Variants in CRIM1 observed in about 807,000 individuals in gnomAD.
CRIM1 encodes cysteine rich transmembrane BMP regulator 1.
CRIM1 carries 32 observed loss-of-function variants against 116.4 expected under a neutral mutation model. The observed-to-expected ratio is 0.27, with a 90% confidence interval of 0.21 to 0.37. CRIM1 has a LOEUF of 0.37. Among genes scored for constraint, CRIM1 ranks in the 10% least tolerant of loss-of-function variants. The probability of loss-of-function intolerance (pLI) is 1.00; values close to 1 mark genes in which losing one functional copy is unlikely to be tolerated. For synonymous variants in CRIM1, 590 were observed against 509.2 expected (o/e 1.16, Z -2.13); for missense variants, 1,331 against 1,354.8 (o/e 0.98, Z 0.28).
At chr2:36,432,790 T>TA (rs77459787) in intron 2 of CRIM1, among the ~76,000 whole-genome samples, 39,274 of 151,164 alleles carry the variant, frequency 0.26, 5,224 homozygotes, top group Middle Eastern at 0.35. Flanking sequence ...TGGGGAACTG[T>TA]AAAAAAAAAT....
chr2:36,402,534 A>G (rs1012176270), intron 2 of CRIM1, among the ~76,000 whole-genome samples: 2 of 152,058 alleles, frequency 1.3e-5, no homozygotes. Flanking sequence ...CAGGAAAGCC[A>G]TTAAAGGATT....
chr2:36,421,370 C>A (rs190709561), intron 2 of CRIM1, among the ~76,000 whole-genome samples: 1 of 152,210 alleles, frequency 6.6e-6, no homozygotes, highest in African/African-American at 2.4e-5. Flanking sequence ...CTCACTATTA[C>A]AATTAATCTT....
intron 4 of CRIM1, among the ~76,000 whole-genome samples, chr2:36,456,959 C>T (rs547186577): frequency 2.0e-5 from 3 of 152,118 alleles, no homozygotes; most frequent in East Asian, 1.9e-4. Context: ...ATAGGAACCA[C>T]GTAGACTTAC....
intron 7 of CRIM1, among the ~76,000 whole-genome samples, chr2:36,490,689 T>G (rs1276960528): frequency 6.6e-6 from 1 of 152,050 alleles, no homozygotes; most frequent in Non-Finnish European, 1.5e-5. Context: ...CTGGATCCGT[T>G]TTCTGCTTCT....
At chr2:36,380,843 C>A (rs932355634) in intron 1 of CRIM1, among the ~76,000 whole-genome samples, 1 of 152,206 alleles carries the variant, frequency 6.6e-6, no homozygotes, top group Admixed American at 6.5e-5. Context: ...CCCAACTTTA[C>A]AGATTAAGGA....
At chr2:36,361,068 A>G (rs1669195077) in intron 1 of CRIM1, among the ~76,000 whole-genome samples, 2 of 152,188 alleles carry the variant, frequency 1.3e-5, no homozygotes, top group African/African-American at 4.8e-5. Flanking sequence ...TGGAGAGACC[A>G]ACTATTCACT....
At position 36,499,131 on chromosome 2, in the gene CRIM1, CATT is replaced by C. The variant is rs538622396; in HGVS notation, c.1373-85_1373-83del. 1.1e-3 allele frequency: 1,114 copies of C among 985,410 alleles called. 6 individuals are homozygous for C. The African/African-American group carries it at 0.013, about 11-fold the overall frequency. 61.0% of individuals were successfully genotyped at this position (985,410 alleles called of 1,614,324 possible). A position where few individuals can be genotyped will look rare whatever the true frequency, so the allele number is the denominator to read the frequency against. ...ACAATTACTGATTTGATTTTTGTAA[CATT>C]ATGGTGTGGAATTTCAAAAATTGAA... On this transcript the variant is annotated intron_variant, in intron 7 of 16. Transcript: ENST00000280527.
intron 2 of CRIM1, among the ~76,000 whole-genome samples, chr2:36,424,104 T>C (rs1024085341): frequency 1.3e-5 from 2 of 152,200 alleles, no homozygotes; most frequent in Non-Finnish European, 2.9e-5. Flanking sequence ...GAAACAAAAA[T>C]GTATGAAACT....
At chr2:36,468,477 A>G (rs848556) in intron 5 of CRIM1, among the ~76,000 whole-genome samples, 88,601 of 151,984 alleles carry the variant, frequency 0.58, 26,121 homozygotes, top group South Asian at 0.75. Flanking sequence ...CGCCGAAAGG[A>G]GAACTTATGA....
rs76994016 is a variant in CRIM1, at chr2:36,527,791, G to A, written c.2428+5478G>A. ...TACAACCCATGAAACTTAATGTTAC[G>A]CATTTCGAAACCATAATGATATGAT... is the stretch of plus-strand genomic sequence containing the variant. On this transcript the variant is annotated intron_variant, in intron 13 of 16. Transcript: ENST00000280527. Among the ~76,000 whole-genome samples, 1,394 of 152,234 alleles carry A rather than the reference G, an allele frequency of 9.2e-3. 24 individuals are homozygous for A. The highest frequency in any genetic ancestry group is 0.032 in the African/African-American group (1,329 of 41,510).
Position 36,531,030 on chromosome 2 carries a change from G to A in CRIM1, c.2429-6322G>A, listed in dbSNP as rs1330788738. ...ATGTGTGGGAAGAACAAATGCCCCC[G>A]TTATAGTACTGTGTTGGCTTGTTTT... On this transcript the variant is annotated intron_variant, in intron 13 of 16. Transcript: ENST00000280527. 2.6e-5 allele frequency among the ~76,000 whole-genome samples: 4 copies of A among 152,286 alleles called. No homozygotes were observed. In the South Asian group the frequency reaches 8.3e-4, roughly 32 times the overall value.
intron 8 of CRIM1, 174 bp downstream of exon 8, chr2:36,499,521 G>C (rs1382784668): frequency 6.7e-6 from 4 of 594,876 alleles, no homozygotes; most frequent in Non-Finnish European, 8.5e-6. Flanking sequence ...TTGGGAGAAA[G>C]GAGCTGCTGC....
intron 5 of CRIM1, among the ~76,000 whole-genome samples, chr2:36,475,747 G>A (rs965163725): frequency 1.6e-4 from 24 of 152,182 alleles, no homozygotes; most frequent in Non-Finnish European, 3.5e-4. Flanking sequence ...AGTTGAGGAA[G>A]TTCCGTTCTA....
intron 13 of CRIM1, among the ~76,000 whole-genome samples, chr2:36,532,842 C>T (rs1490111443): frequency 6.6e-6 from 1 of 152,158 alleles, no homozygotes; most frequent in East Asian, 1.9e-4. Context: ...GGCATTGATG[C>T]AGGTAACATG....
At chr2:36,360,636 G>C (rs1057264615) in intron 1 of CRIM1, among the ~76,000 whole-genome samples, 5 of 152,144 alleles carry the variant, frequency 3.3e-5, no homozygotes, top group African/African-American at 1.2e-4. Flanking sequence ...AAGACAGTCA[G>C]TGAAGATGAT....
chr2:36,449,040 T>C (rs1676478538), intron 4 of CRIM1, among the ~76,000 whole-genome samples: 1 of 152,062 alleles, frequency 6.6e-6, no homozygotes, highest in Non-Finnish European at 1.5e-5. Flanking sequence ...ACTTGTTTTT[T>C]TTTTTTTCCT....
At chr2:36,533,298 G>C (rs1666242650) in intron 13 of CRIM1, among the ~76,000 whole-genome samples, 1 of 151,946 alleles carries the variant, frequency 6.6e-6, no homozygotes, top group South Asian at 2.1e-4. Context: ...AAAGAAATGA[G>C]GATACTGAGC....
At chr2:36,435,566 C>T (rs1481724031) in intron 2 of CRIM1, among the ~76,000 whole-genome samples, 1 of 151,814 alleles carries the variant, frequency 6.6e-6, no homozygotes, top group African/African-American at 2.4e-5. Context: ...GAAGCTCTTG[C>T]ATGCATTTGC....
chr2:36,529,265 A>C (rs541170614), intron 13 of CRIM1: 1 of 468,256 alleles, frequency 2.1e-6, no homozygotes, highest in East Asian at 7.0e-5. Context: ...GAGTCTTCTT[A>C]ACAGGACTTG....
Sources: allele counts gnomAD v4.1 joint callset (sites outside exome capture counted in the v4.1 genomes callset), GRCh38; gene constraint gnomAD v4.1.1; transcripts MANE v1.5; gene names NCBI Gene and HGNC (gene_info 2026-07-23, HGNC 2026-07-21).